Variants in BAG5 observed in about 807,000 individuals in gnomAD.
BAG5 encodes the protein BAG family molecular chaperone regulator 5.
A neutral mutation model predicts 31.8 loss-of-function variants in BAG5; 25 were observed. The observed-to-expected ratio is 0.79, with a 90% confidence interval of 0.57 to 1.10. BAG5 has a LOEUF of 1.10. BAG5 is among the 50% of genes least tolerant of loss of function. The pLI is 0.00. For missense variants in BAG5, 491 were observed against 527.9 expected, an observed-to-expected ratio of 0.93 and a Z score of 0.68; for synonymous variants, 208 against 205.0, an observed-to-expected ratio of 1.01 and a Z score of -0.13.
In BAG5 at chr14:103,560,456, C is replaced by G. The variant is rs1338788919; in HGVS notation, c.709G>C (p.Glu237Gln). Residue 237 changes from glutamate (E) to glutamine (Q), a missense_variant, in exon 2 of 2, where the codon GAA becomes CAA. Physicochemically the swap from Glu to Gln is conservative, Grantham distance 29. Coordinates refer to ENST00000299204, the MANE Select transcript of BAG5 (RefSeq NM_001015048.3). Reference protein sequence around the residue: ...LDALDVCGRTEIRNYRREVVE... With the variant: ...LDALDVCGRTQIRNYRREVVE... The stretch of plus-strand genomic sequence containing the variant: ...ACCTCCCTCCGATAATTTCTGATTT[C>G]TGTCCGGCCGCACACATCTAGAGCA... 6.2e-7 allele frequency: 1 copy of G among 1,614,134 alleles called. No homozygotes were observed. The highest frequency in any genetic ancestry group is 1.1e-5 in the South Asian group (1 of 91,076).
chr14:103,562,227 A>C (rs1221835115), intron 1 of BAG5: 3 of 568,780 alleles, frequency 5.3e-6, no homozygotes, highest in African/African-American at 1.9e-5. Flanking sequence ...ACCCCTCCCG[A>C]CTAGGTCTGA....
chr14:103,562,284 C>T (rs913744538), intron 1 of BAG5: 22 of 440,904 alleles, frequency 5.0e-5, no homozygotes, highest in Non-Finnish European at 7.8e-5. Context: ...GCAGCCGCTC[C>T]GGGCGTCTTG....
In BAG5 at chr14:103,556,602, A is replaced by G. The variant is rs2076040513; in HGVS notation, c.*3219T>C. 6.6e-6 allele frequency: 1 copy of G among 152,228 alleles called. No individual in the cohort carries two copies. Among genetic ancestry groups the G allele is most frequent in the Non-Finnish European group, 1.5e-5 (1 of 68,032 alleles). 9.4% of individuals were successfully genotyped at this position (152,228 alleles called of 1,614,324 possible). A position where few individuals can be genotyped will look rare whatever the true frequency, so the allele number is the denominator to read the frequency against. On this transcript the variant is annotated 3_prime_UTR_variant, in exon 2 of 2. Coordinates refer to ENST00000299204, the MANE Select transcript of BAG5 (RefSeq NM_001015048.3). The stretch of plus-strand genomic sequence containing the variant: ...TTATTTCAAGAATAACTAAGGGTAT[A>G]TTAACACATGTATCTCAAAGTAACA...
At chr14:103,562,151 C>A in intron 1 of BAG5, 1 of 646,796 alleles carries the variant, frequency 1.5e-6, no homozygotes, top group Non-Finnish European at 2.8e-6. Context: ...GCTGAGGTGG[C>A]GAGGTGGAAG....
chr14:103,559,952 G>C lies in BAG5; in HGVS notation c.1213C>G (p.Gln405Glu), dbSNP rs759811967. Residue 405 changes from glutamine (Q) to glutamate (E), a missense_variant, in exon 2 of 2, where the codon CAG (glutamine) becomes GAG (glutamate). Transcript: ENST00000299204. ...TCAACAGCATCCAGGGCTAGCAGCT[G>C]CTTGGTGAGCAGCTCTTCCAGCCGG... ...YIRLEELLTK[Q>E]LLALDAVDPQ... The C allele has an allele frequency of 1.2e-6, 2 of 1,614,210 alleles. No individual in the cohort carries two copies. Among genetic ancestry groups the C allele is most frequent in the South Asian group, 2.2e-5 (2 of 91,086 alleles).
In BAG5 at chr14:103,560,286, A is replaced by C. The variant is rs778658043; in HGVS notation, c.879T>G (p.Leu293=). 6.2e-7 allele frequency: 1 copy of C among 1,613,998 alleles called. No individual in the cohort carries two copies. The highest frequency in any genetic ancestry group is 8.5e-7 in the Non-Finnish European group (1 of 1,180,004). ...LKRMREIKNE[L]LQAQNPSELY... is the part of the protein sequence containing the mutation. Reference sequence around the variant, plus strand: ...ATTCAGAAGGGTTTTGTGCTTGGAGAAGTTCATTTTTTATTTCTCTCATTC... The same window carrying C: ...ATTCAGAAGGGTTTTGTGCTTGGAGCAGTTCATTTTTTATTTCTCTCATTC... Residue 293 remains leucine (L), a synonymous_variant, in exon 2 of 2, where the codon CTT becomes CTG. Transcript: ENST00000299204.
chr14:103,558,397 G>C lies in BAG5; in HGVS notation c.*1424C>G, dbSNP rs998556883. The C allele has an allele frequency of 6.6e-6, 1 of 152,198 alleles. No homozygotes were observed. Among genetic ancestry groups the C allele is most frequent in the East Asian group, 1.9e-4 (1 of 5,206 alleles). The allele number at this position is 152,198 out of a possible 1,614,324, so 9.4% of individuals were successfully genotyped here. On this transcript the variant is annotated 3_prime_UTR_variant, in exon 2 of 2. Transcript: ENST00000299204. ...AGTTACACAATGAGCATCTCTGAAA[G>C]AGAATATTACCCTGGATTTCCAAAG...
chr14:103,561,806 C>G (rs1277162122), intron 1 of BAG5: 26 of 787,668 alleles, frequency 3.3e-5, no homozygotes, highest in Non-Finnish European at 5.2e-5. Flanking sequence ...AGGGCACCAC[C>G]TTGGGCTTTC....
intron 1 of BAG5, chr14:103,562,071 C>T: frequency 6.5e-6 from 7 of 1,073,166 alleles, no homozygotes; most frequent in Non-Finnish European, 8.7e-6. Flanking sequence ...GCTTCCTCCC[C>T]GCCTCGCCCT....
Position 103,560,295 on chromosome 14 carries a change from TTTTA to T in BAG5, c.866_869del (p.Ile289LysfsTer15). 1 of 1,614,176 alleles carries T rather than the reference TTTTA, an allele frequency of 6.2e-7. No individual in the cohort carries two copies. The highest frequency in any genetic ancestry group is 8.5e-7 in the Non-Finnish European group (1 of 1,180,042). On this transcript the variant is annotated frameshift_variant, in exon 2 of 2. Transcript: ENST00000299204. LOFTEE classifies it high-confidence loss of function. ...GGTTTTGTGCTTGGAGAAGTTCATTTTTTATTTCTCTCATTCTCTTGAGGACCTT... is the reference window on the plus strand; with the variant it reads ...GGTTTTGTGCTTGGAGAAGTTCATTTTTTCTCTCATTCTCTTGAGGACCTT...
intron 1 of BAG5, chr14:103,561,859 C>G: frequency 7.6e-7 from 1 of 1,321,662 alleles, no homozygotes. Flanking sequence ...TCCACTCTCT[C>G]AAAAAAAAAC....
In BAG5 at chr14:103,561,008, T is replaced by G; in HGVS notation, c.157A>C (p.Ile53Leu). ...ERILTKQLFE[I>L]DSVDTEGKGD... ...TTTCCTTCAGTATCTACAGAGTCTA[T>G]TTCAAAAAGCTGTTTTGTTAGAATC... Residue 53 changes from isoleucine to leucine, a missense_variant, in exon 2 of 2, where the codon ATA becomes CTA. Coordinates refer to ENST00000299204, the MANE Select transcript of BAG5 (RefSeq NM_001015048.3). 1 of 1,614,164 alleles carries G rather than the reference T, an allele frequency of 6.2e-7. No individual in the cohort carries two copies. Among genetic ancestry groups the G allele is most frequent in the Non-Finnish European group, 8.5e-7 (1 of 1,180,044 alleles).
At chr14:103,562,091 G>A (rs1595129763) in intron 1 of BAG5, 2 of 915,152 alleles carry the variant, frequency 2.2e-6, no homozygotes, top group Non-Finnish European at 3.6e-6. Context: ...TTCCCTCTTG[G>A]CCCTTTACCC....
chr14:103,561,791 G>A, intron 1 of BAG5: 1 of 694,884 alleles, frequency 1.4e-6, no homozygotes, highest in Non-Finnish European at 2.5e-6. Flanking sequence ...CCGGGACAGC[G>A]CTGAAGGGCA....
rs750869599 is a variant in BAG5 at position 103,560,772 on chromosome 14, A to G, written c.393T>C (p.Ile131=). The change falls in exon 2 of 2, where the codon ATT becomes ATC. Residue 131 remains isoleucine, a synonymous_variant. Coordinates refer to ENST00000299204, the MANE Select transcript of BAG5 (RefSeq NM_001015048.3). Reference sequence around the variant, plus strand: ...CAGTTTTAACATGTGTCAGCCTCAGAATGATATCTTGGATGCCTTCTTCAA... The same window carrying G: ...CAGTTTTAACATGTGTCAGCCTCAGGATGATATCTTGGATGCCTTCTTCAA... ...DEFEEGIQDI[I]LRLTHVKTGG... 1 of 1,614,072 alleles carries G rather than the reference A, an allele frequency of 6.2e-7. No individual in the cohort carries two copies. The highest frequency in any genetic ancestry group is 1.3e-5 in the African/African-American group (1 of 74,994).
At chr14:103,561,545 G>A (rs1350225612) in intron 1 of BAG5, among the ~76,000 whole-genome samples, 2 of 152,044 alleles carry the variant, frequency 1.3e-5, no homozygotes, top group Non-Finnish European at 2.9e-5. Context: ...GTAACCTTCC[G>A]AACACTAACA....
In BAG5 at chr14:103,561,209, ATGAT is replaced by A; in HGVS notation, c.-28-21_-28-18del. 6.4e-7 allele frequency: 1 copy of A among 1,573,526 alleles called. No individual in the cohort carries two copies. Among genetic ancestry groups the A allele is most frequent in the Non-Finnish European group, 8.6e-7 (1 of 1,168,990 alleles). On this transcript the variant is annotated intron_variant, in intron 1 of 1. Transcript: ENST00000299204. ...TCACAAGCACTAAAAGACGACAAGA[ATGAT>A]AACTTACTACAGCACAAGGCTTCTG...
chr14:103,556,868 T>C lies in BAG5; in HGVS notation c.*2953A>G, dbSNP rs974819750. ...CAGACCCTTAAAAACCAGATAGAAA[T>C]TGACAAAGTCAAACAAAGGAGAAAA... is the stretch of plus-strand genomic sequence containing the variant. On this transcript the variant is annotated 3_prime_UTR_variant, in exon 2 of 2. Transcript: ENST00000299204. 5.9e-5 allele frequency: 9 copies of C among 152,034 alleles called. No individual in the cohort carries two copies. The highest frequency in any genetic ancestry group is 8.8e-5 in the Non-Finnish European group (6 of 68,012). 9.4% of individuals were successfully genotyped at this position (152,034 alleles called of 1,614,324 possible).
chr14:103,557,338 C>T lies in BAG5; in HGVS notation c.*2483G>A, dbSNP rs937864028. 3 of 152,166 alleles carry T rather than the reference C, an allele frequency of 2.0e-5. No homozygotes were observed. Among genetic ancestry groups the T allele is most frequent in the African/African-American group, 7.2e-5 (3 of 41,420 alleles). The allele number at this position is 152,166 out of a possible 1,614,324, so 9.4% of individuals were successfully genotyped here. On this transcript the variant is annotated 3_prime_UTR_variant, in exon 2 of 2. Transcript: ENST00000299204. ...GGTTCATTGCAGGAGTAGAATAATC[C>T]GGTACAAGGAACGAGAACAGATTGA... is the stretch of plus-strand genomic sequence containing the variant.
Sources: allele counts gnomAD v4.1 joint callset (sites outside exome capture counted in the v4.1 genomes callset), GRCh38; gene constraint gnomAD v4.1.1; transcripts MANE v1.5; gene names NCBI Gene and HGNC (gene_info 2026-07-23, HGNC 2026-07-21).